ARHGEF33: variants seen among roughly 807,000 people sequenced by gnomAD.
The protein encoded by ARHGEF33 is Rho guanine nucleotide exchange factor 33.
In ARHGEF33, 72 loss-of-function variants were observed where a neutral mutation model predicts 101.9. The observed-to-expected ratio is 0.71, with a 90% CI of 0.58 to 0.86. The LOEUF (loss-of-function observed/expected upper bound fraction) is 0.86. Among genes scored for constraint, ARHGEF33 ranks in the 40% least tolerant of loss-of-function variants. ARHGEF33 has a pLI of 0.00. For missense variants in ARHGEF33, 1,169 were observed against 1,111.3 expected, an observed-to-expected ratio of 1.05 and a Z score of -0.74; for synonymous variants, 499 against 442.5, an observed-to-expected ratio of 1.13 and a Z score of -1.60.
Position 38,944,011 on chromosome 2 carries a change from A to C in ARHGEF33, c.901A>C (p.Arg301=). 1 of 1,550,346 alleles carries C rather than the reference A, an allele frequency of 6.5e-7. No homozygotes were observed. The highest frequency in any genetic ancestry group is 1.2e-5 in the South Asian group (1 of 83,628). The stretch of plus-strand genomic sequence containing the variant: ...CACATTCCAGGGGTCAGATGGAAAG[A>C]GGAATTCCAAAGAGAGAAGGTATCC... ...KATFQGSDGK[R]NSKERSLFPG... The change falls in exon 10 of 18, where the codon AGG becomes CGG. Residue 301 remains arginine (R), a synonymous_variant. Coordinates refer to ENST00000409978, the MANE Select transcript of ARHGEF33 (RefSeq NM_001145451.5).
chr2:38,950,736 G>T (rs533315660), intron 10 of ARHGEF33, among the ~76,000 whole-genome samples: 2 of 152,158 alleles, frequency 1.3e-5, no homozygotes, highest in Non-Finnish European at 1.5e-5. Context: ...GGCATGCCAG[G>T]CCTCTTTATT....
At chr2:38,909,842 C>G (rs938527616) in intron 2 of ARHGEF33, among the ~76,000 whole-genome samples, 1 of 151,658 alleles carries the variant, frequency 6.6e-6, no homozygotes, top group East Asian at 1.9e-4. Context: ...AAGGGTCACA[C>G]TGTACTCTTT....
chr2:38,908,784 C>G (rs1490907557), intron 2 of ARHGEF33, among the ~76,000 whole-genome samples: 2 of 152,164 alleles, frequency 1.3e-5, no homozygotes, highest in African/African-American at 4.8e-5. Flanking sequence ...AGAGCCTGCT[C>G]TTTCTTGGTT....
In ARHGEF33 at chr2:38,973,925, T is replaced by A; in HGVS notation, c.*82T>A. ...ATCTGTGTAGGAATATATATATATA[T>A]CTATATCTATATATATATATATATC... is the stretch of plus-strand genomic sequence containing the variant. On this transcript the variant is annotated 3_prime_UTR_variant, in exon 18 of 18. Transcript: ENST00000409978. 1 of 843,442 alleles carries A rather than the reference T, an allele frequency of 1.2e-6. No homozygotes were observed. Among genetic ancestry groups the A allele is most frequent in the South Asian group, 5.4e-5 (1 of 18,604 alleles). 52.2% of individuals were successfully genotyped at this position (843,442 alleles called of 1,614,324 possible).
chr2:38,909,706 A>ATTTTT (rs71813216), intron 2 of ARHGEF33, among the ~76,000 whole-genome samples: 1 of 111,834 alleles, frequency 8.9e-6, no homozygotes, highest in Non-Finnish European at 1.8e-5. Flanking sequence ...TTCAAGGATG[A>ATTTTT]TTTTTTTTTT....
chr2:38,961,284 A>G (rs549742877), intron 16 of ARHGEF33, among the ~76,000 whole-genome samples: 7 of 152,194 alleles, frequency 4.6e-5, no homozygotes, highest in African/African-American at 1.2e-4. Flanking sequence ...TGCAAACTCT[A>G]TTGGGTCAGG....
chr2:38,944,967 T>C (rs1015398919), intron 10 of ARHGEF33, among the ~76,000 whole-genome samples: 2 of 152,024 alleles, frequency 1.3e-5, no homozygotes, highest in South Asian at 2.1e-4. Context: ...ACTCCACCTA[T>C]ATCTGTTCAT....
intron 2 of ARHGEF33, among the ~76,000 whole-genome samples, chr2:38,912,221 G>A (rs931221741): frequency 1.3e-5 from 2 of 152,226 alleles, no homozygotes; most frequent in Non-Finnish European, 2.9e-5. Flanking sequence ...AGGAATAGGA[G>A]CCACATTAAC....
intron 13 of ARHGEF33, among the ~76,000 whole-genome samples, chr2:38,955,481 CTT>C (rs3085350): frequency 1.4e-4 from 10 of 71,184 alleles, no homozygotes; most frequent in African/African-American, 4.7e-4. Flanking sequence ...ATTGAAAAGA[CTT>C]TTTTTTTTTT....
At chr2:38,949,838 G>A (rs999922544) in intron 10 of ARHGEF33, among the ~76,000 whole-genome samples, 1 of 152,176 alleles carries the variant, frequency 6.6e-6, no homozygotes, top group Non-Finnish European at 1.5e-5. Flanking sequence ...GAAGGCGAAG[G>A]GGAAGCAGGC....
intron 1 of ARHGEF33, among the ~76,000 whole-genome samples, chr2:38,892,583 A>T (rs1468183896): frequency 6.6e-6 from 1 of 152,210 alleles, no homozygotes; most frequent in African/African-American, 2.4e-5. Context: ...GTGCACCCCC[A>T]ATTGACAAAA....
At chr2:38,932,034 T>G (rs372332510) in intron 7 of ARHGEF33, among the ~76,000 whole-genome samples, 14 of 152,354 alleles carry the variant, frequency 9.2e-5, no homozygotes, top group African/African-American at 3.4e-4. Flanking sequence ...ATAGACAATG[T>G]GTATTCTGAA....
At position 38,959,983 on chromosome 2, in the gene ARHGEF33, G is replaced by A. The variant is rs1364601906; in HGVS notation, c.1678G>A (p.Ala560Thr). 1.9e-6 allele frequency: 3 copies of A among 1,550,898 alleles called. No homozygotes were observed. The African/African-American group carries it at 4.1e-5, about 21-fold the overall frequency. Residue 560 changes from alanine (A) to threonine (T), a missense_variant, in exon 16 of 18, where the codon GCG (alanine) becomes ACG (threonine). Ala to Thr is a moderately conservative substitution (Grantham distance 58). Transcript: ENST00000409978. The part of the protein sequence containing the change: ...ESLLAPTQFC[A>T]AEQDVKALAG... ...CCTTCTGGCACCGACGCAGTTCTGCGCGGCCGAGCAGGACGTGAAGGCGCT... is the reference window on the plus strand; with the variant it reads ...CCTTCTGGCACCGACGCAGTTCTGCACGGCCGAGCAGGACGTGAAGGCGCT...
At chr2:38,933,827 T>A (rs1388963576) in intron 7 of ARHGEF33, among the ~76,000 whole-genome samples, 1 of 152,196 alleles carries the variant, frequency 6.6e-6, no homozygotes, top group Non-Finnish European at 1.5e-5. Flanking sequence ...ATTGGAGCCA[T>A]CTGGAGCTGC....
In ARHGEF33 at chr2:38,973,909, G is replaced by A; in HGVS notation, c.*66G>A. 1 of 1,119,898 alleles carries A rather than the reference G, an allele frequency of 8.9e-7. No individual in the cohort carries two copies. Among genetic ancestry groups the A allele is most frequent in the Non-Finnish European group, 1.2e-6 (1 of 850,664 alleles). The allele number at this position is 1,119,898 out of a possible 1,614,324, so 69.4% of individuals were successfully genotyped here. A position where few individuals can be genotyped will look rare whatever the true frequency, so the allele number is the denominator to read the frequency against. On this transcript the variant is annotated 3_prime_UTR_variant, in exon 18 of 18. Coordinates refer to ENST00000409978, the MANE Select transcript of ARHGEF33 (RefSeq NM_001145451.5). ...TAAAAAGCTTGTATATATCTGTGTAGGAATATATATATATATCTATATCTA... is the reference window on the plus strand; with the variant it reads ...TAAAAAGCTTGTATATATCTGTGTAAGAATATATATATATATCTATATCTA...
Position 38,937,253 on chromosome 2 carries a change from G to A in ARHGEF33, c.566-82G>A, listed in dbSNP as rs929405792. ...TCGTGATCCGCCTGCCTCGGCCTCC[G>A]AAAGTGGTAACAAACATATTTTTTA... On this transcript the variant is annotated intron_variant, in intron 8 of 17. Transcript: ENST00000409978. 3.1e-5 allele frequency: 22 copies of A among 717,662 alleles called. No homozygotes were observed. In the East Asian group the frequency reaches 4.1e-4, roughly 13 times the overall value. 44.5% of individuals were successfully genotyped at this position (717,662 alleles called of 1,614,324 possible).
At chr2:38,938,982 T>C (rs930948281) in intron 9 of ARHGEF33, among the ~76,000 whole-genome samples, 1 of 151,560 alleles carries the variant, frequency 6.6e-6, no homozygotes, top group African/African-American at 2.4e-5. Context: ...TTGATGGACA[T>C]TTTTTTTTGA....
At chr2:38,925,237 T>C (rs772331797) in intron 4 of ARHGEF33, among the ~76,000 whole-genome samples, 8 of 152,370 alleles carry the variant, frequency 5.3e-5, no homozygotes, top group Non-Finnish European at 1.0e-4. Context: ...CTCTTTTTTC[T>C]TCATTTTTCT....
chr2:38,914,460 G>C (rs1169031509), intron 2 of ARHGEF33, among the ~76,000 whole-genome samples: 2 of 152,156 alleles, frequency 1.3e-5, no homozygotes, highest in Non-Finnish European at 2.9e-5. Flanking sequence ...CTGAAGTCAG[G>C]AGTTCAAGAC....
Sources: allele counts gnomAD v4.1 joint callset (sites outside exome capture counted in the v4.1 genomes callset), GRCh38; gene constraint gnomAD v4.1.1; transcripts MANE v1.5; gene names NCBI Gene and HGNC (gene_info 2026-07-23, HGNC 2026-07-21).